PLXNC1: variants seen among roughly 807,000 people sequenced by gnomAD.
PLXNC1 encodes the protein plexin-C1.
A neutral mutation model predicts 178.2 loss-of-function variants in PLXNC1; 75 were observed. That is an observed-to-expected ratio of 0.42 (90% CI 0.35 to 0.51). The LOEUF is 0.51. Ranked by LOEUF, PLXNC1 falls within the 20% of genes least tolerant of loss-of-function variation. The probability of loss-of-function intolerance (pLI) is 0.02; values close to 1 mark genes in which losing one functional copy is unlikely to be tolerated. For synonymous variants in PLXNC1, 790 were observed against 779.9 expected (o/e 1.01, Z -0.22); for missense variants, 1,503 against 1,984.4 (o/e 0.76, Z 4.61).
intron 4 of PLXNC1, among the ~76,000 whole-genome samples, chr12:94,187,397 C>A (rs1962556989): frequency 1.3e-5 from 2 of 151,966 alleles, no homozygotes; most frequent in African/African-American, 4.8e-5. Context: ...AAATGCAATA[C>A]AAGCAAGAGG....
chr12:94,213,606 T>C (rs1963557810), intron 5 of PLXNC1, among the ~76,000 whole-genome samples: 1 of 152,226 alleles, frequency 6.6e-6, no homozygotes, highest in Non-Finnish European at 1.5e-5. Flanking sequence ...GTAGGTTGCC[T>C]GTTCACTCTG....
intron 21 of PLXNC1, among the ~76,000 whole-genome samples, chr12:94,265,709 T>C (rs1965196188): frequency 6.6e-6 from 1 of 152,182 alleles, no homozygotes; most frequent in African/African-American, 2.4e-5. Context: ...TAGTTACAAA[T>C]GTTTGGTGTC....
At position 94,226,698 on chromosome 12, in the gene PLXNC1, G is replaced by T; in HGVS notation, c.1884G>T (p.Glu628Asp). 1 of 1,609,618 alleles carries T rather than the reference G, an allele frequency of 6.2e-7. No individual in the cohort carries two copies. Among genetic ancestry groups the T allele is most frequent in the Non-Finnish European group, 8.5e-7 (1 of 1,176,034 alleles). ...CAGCTTGCGACCCTTCTGATTATGA[G>T]AGAAACCAGGTAAAGTGACATTTTT... ...PFTACDPSDY[E>D]RNQEQCPVAV... Residue 628 changes from glutamate to aspartate, a missense_variant, in exon 8 of 31, where the codon GAG becomes GAT. Physicochemically the swap from Glu to Asp is conservative, Grantham distance 45 (BLOSUM62 2). Transcript: ENST00000258526.
At chr12:94,274,279 A>G (rs1051348218) in intron 21 of PLXNC1, among the ~76,000 whole-genome samples, 3 of 151,696 alleles carry the variant, frequency 2.0e-5, no homozygotes, top group South Asian at 2.1e-4. Context: ...TCGAGGCTGC[A>G]GTAAGCCATG....
intron 4 of PLXNC1, among the ~76,000 whole-genome samples, chr12:94,190,429 C>T (rs748991556): frequency 7.9e-5 from 12 of 151,996 alleles, no homozygotes; most frequent in South Asian, 2.1e-4. Context: ...TTTGTAGAGA[C>T]GGGGTTTCAC....
chr12:94,161,449 A>G (rs985635577), intron 1 of PLXNC1, among the ~76,000 whole-genome samples: 3 of 152,080 alleles, frequency 2.0e-5, no homozygotes, highest in Non-Finnish European at 2.9e-5. Flanking sequence ...TGAACTTGAA[A>G]CCACATATTT....
At chr12:94,247,119 C>G (rs918464989) in intron 12 of PLXNC1, among the ~76,000 whole-genome samples, 15 of 151,860 alleles carry the variant, frequency 9.9e-5, no homozygotes, top group African/African-American at 3.6e-4. Flanking sequence ...ACTGTGTTAC[C>G]CAGGCTGATC....
At chr12:94,198,747 A>G (rs1418163841) in intron 4 of PLXNC1, among the ~76,000 whole-genome samples, 1 of 152,006 alleles carries the variant, frequency 6.6e-6, no homozygotes, top group Non-Finnish European at 1.5e-5. Context: ...GGGTAGGATA[A>G]CCATCTCTGC....
chr12:94,230,707 G>T (rs1207525862), intron 9 of PLXNC1, among the ~76,000 whole-genome samples: 2 of 152,196 alleles, frequency 1.3e-5, no homozygotes, highest in African/African-American at 4.8e-5. Context: ...GGGCCTTCAT[G>T]TTGGCCTTGA....
chr12:94,271,215 T>C (rs12227140), intron 21 of PLXNC1, among the ~76,000 whole-genome samples: 6,727 of 152,332 alleles, frequency 0.044, 245 homozygotes, highest in African/African-American at 0.091. Flanking sequence ...AGGCCTTTTA[T>C]GATAAAGTTG....
rs1966272877 is a variant in PLXNC1 at position 94,279,558 on chromosome 12, C to T, written c.3684C>T (p.Asp1228=). 1.2e-6 allele frequency: 2 copies of T among 1,614,006 alleles called. No homozygotes were observed. The highest frequency in any genetic ancestry group is 1.7e-4 in the Middle Eastern group (1 of 6,060). Residue 1228 remains aspartate, a synonymous_variant, in exon 22 of 31, where the codon GAC becomes GAT. Coordinates refer to ENST00000258526, the MANE Select transcript of PLXNC1 (RefSeq NM_005761.3). The part of the protein sequence containing the change: ...RNISVNVLDC[D]TIGQAKEKIF... Reference sequence around the variant, plus strand: ...TTTCAGTCAATGTTCTCGACTGTGACACCATTGGCCAAGCCAAAGAAAAGA... The same window carrying T: ...TTTCAGTCAATGTTCTCGACTGTGATACCATTGGCCAAGCCAAAGAAAAGA...
rs371906337 is a variant in PLXNC1 at position 94,149,793 on chromosome 12, G to A, written c.822G>A (p.Leu274=). The A allele has an allele frequency of 1.4e-5, 23 of 1,606,834 alleles. No individual in the cohort carries two copies. Among genetic ancestry groups the A allele is most frequent in the Non-Finnish European group, 1.8e-5 (21 of 1,178,434 alleles). Residue 274 remains leucine (L), a synonymous_variant, in exon 1 of 31, where the codon CTG becomes CTA. Transcript: ENST00000258526. Reference sequence around the variant, plus strand: ...GCATCGCGCAGAGCACCGAGGTGCTGTTCCAGGGCCAGGCATCCCTCGACT... The same window carrying A: ...GCATCGCGCAGAGCACCGAGGTGCTATTCCAGGGCCAGGCATCCCTCGACT... ...MARIAQSTEV[L]FQGQASLDCG...
At chr12:94,246,898 G>C (rs869047) in intron 12 of PLXNC1, among the ~76,000 whole-genome samples, 1 of 150,980 alleles carries the variant, frequency 6.6e-6, no homozygotes, top group Non-Finnish European at 1.5e-5. Flanking sequence ...AGGGGGTGGC[G>C]GGGGTGGGGG....
At chr12:94,268,588 C>CTTTTTTTTTTTT (rs61265662) in intron 21 of PLXNC1, among the ~76,000 whole-genome samples, 22 of 90,882 alleles carry the variant, frequency 2.4e-4, no homozygotes, top group African/African-American at 6.0e-4. Flanking sequence ...AGAATAAGAC[C>CTTTTTTTTTTTT]TTTTTTTTTT....
intron 24 of PLXNC1, among the ~76,000 whole-genome samples, chr12:94,296,097 A>G (rs1203172323): frequency 6.6e-6 from 1 of 151,810 alleles, no homozygotes; most frequent in Non-Finnish European, 1.5e-5. Context: ...CTCTTTTCTC[A>G]CCTGTACTTT....
chr12:94,166,965 A>T (rs553713211), intron 1 of PLXNC1, among the ~76,000 whole-genome samples: 1 of 151,900 alleles, frequency 6.6e-6, no homozygotes, highest in Non-Finnish European at 1.5e-5. Flanking sequence ...GGGTCTTGCT[A>T]TGTTGCCCAG....
chr12:94,208,040 G>A (rs565009922), intron 4 of PLXNC1, among the ~76,000 whole-genome samples: 3 of 152,172 alleles, frequency 2.0e-5, no homozygotes, highest in South Asian at 2.1e-4. Flanking sequence ...AACCAGCTTC[G>A]TCATTCTGTT....
intron 24 of PLXNC1, among the ~76,000 whole-genome samples, chr12:94,294,829 C>A (rs1967739794): frequency 6.6e-6 from 1 of 152,070 alleles, no homozygotes; most frequent in Non-Finnish European, 1.5e-5. Flanking sequence ...TTTTTTCAAC[C>A]CTTTAGAAGG....
chr12:94,234,766 A>G (rs1229648425), intron 9 of PLXNC1, among the ~76,000 whole-genome samples: 2 of 152,222 alleles, frequency 1.3e-5, no homozygotes, highest in African/African-American at 2.4e-5. Flanking sequence ...GCATAAGCTT[A>G]TAGGGCTGGC....
Sources: gnomAD v4.1 joint callset for allele counts (sites outside exome capture counted in the v4.1 genomes callset) on GRCh38, gnomAD v4.1.1 for gene constraint, MANE v1.5 for transcripts, NCBI Gene and HGNC (gene_info 2026-07-23, HGNC 2026-07-21) for gene names.